Variants in PTPN14 observed in about 807,000 individuals in gnomAD.
The protein encoded by PTPN14 is protein tyrosine phosphatase non-receptor type 14, also known as tyrosine-protein phosphatase non-receptor type 14.
PTPN14 carries 53 observed loss-of-function variants against 126.8 expected under a neutral mutation model. That is an observed-to-expected ratio of 0.42 (90% CI 0.34 to 0.53). The LOEUF is 0.53. Among genes scored for constraint, PTPN14 ranks in the 20% least tolerant of loss-of-function variants. The pLI, the probability that PTPN14 is intolerant of heterozygous loss-of-function variation, is 0.08. For missense variants in PTPN14, 1,257 were observed against 1,552.9 expected (o/e 0.81, Z 3.20); for synonymous variants, 630 against 599.3 (o/e 1.05, Z -0.75).
intron 1 of PTPN14, among the ~76,000 whole-genome samples, chr1:214,525,613 CAG>C (rs1325049446): frequency 6.6e-6 from 1 of 150,780 alleles, no homozygotes; most frequent in Non-Finnish European, 1.5e-5. Flanking sequence ...AATTCAACCA[CAG>C]AGTTAAAACA....
At chr1:214,471,025 C>CAAA (rs71165976) in intron 1 of PTPN14, among the ~76,000 whole-genome samples, 4 of 129,314 alleles carry the variant, frequency 3.1e-5, no homozygotes, top group African/African-American at 8.6e-5. Context: ...AATTCCATCT[C>CAAA]AAAAAAAAAA....
chr1:214,458,685 C>G (rs1238834485), intron 2 of PTPN14, among the ~76,000 whole-genome samples: 3 of 152,176 alleles, frequency 2.0e-5, no homozygotes, highest in South Asian at 2.1e-4. Context: ...TTGGTCCAAG[C>G]TGACATTCCT....
rs545579620 is a variant in PTPN14 at position 214,548,618 on chromosome 1, T to C, written c.-155+2565A>G. 1.6e-4 allele frequency among the ~76,000 whole-genome samples: 25 copies of C among 152,284 alleles called. No individual in the cohort carries two copies. In the South Asian group the frequency reaches 5.2e-3, roughly 32 times the overall value. On this transcript the variant is annotated intron_variant, in intron 1 of 18. Coordinates refer to ENST00000366956, the MANE Select transcript of PTPN14 (RefSeq NM_005401.5). ...CAAATGCAAGAATTTGATGAAATCC[T>C]TGTTCAAAAATGACAAGAATATGGA...
intron 3 of PTPN14, among the ~76,000 whole-genome samples, chr1:214,446,069 T>C (rs1660135707): frequency 6.6e-6 from 1 of 152,064 alleles, no homozygotes; most frequent in South Asian, 2.1e-4. Context: ...CCTTGAGTCA[T>C]TTTAACCAAC....
At position 214,393,434 on chromosome 1, in the gene PTPN14, C is replaced by T. The variant is rs145433447; in HGVS notation, c.929+261G>A. 2.0e-3 allele frequency among the ~76,000 whole-genome samples: 299 copies of T among 152,302 alleles called. 3 individuals are homozygous for T. Among genetic ancestry groups the T allele is most frequent in the African/African-American group, 6.8e-3 (282 of 41,576 alleles). On this transcript the variant is annotated intron_variant, in intron 10 of 18. Transcript: ENST00000366956. ...AACTTCTAGCAGAGGGTTGGAAAGGCGCTAATGTGGGCCAACCCATCCAGG... is the reference window on the plus strand; with the variant it reads ...AACTTCTAGCAGAGGGTTGGAAAGGTGCTAATGTGGGCCAACCCATCCAGG...
chr1:214,361,320 C>T (rs1211007910), intron 18 of PTPN14, among the ~76,000 whole-genome samples: 9 of 152,196 alleles, frequency 5.9e-5, no homozygotes, highest in Non-Finnish European at 1.0e-4. Context: ...CCATCACCAC[C>T]TCCTCCACCA....
rs139417544 is a variant in PTPN14 at position 214,350,176 on chromosome 1, G to A, written c.*7746C>T. ...GCTAATCTTTCCCCTTCCTAGGTAA[G>A]TGAAAACAGATAAAATGTTTCTGGG... On this transcript the variant is annotated 3_prime_UTR_variant, in exon 19 of 19. Coordinates refer to ENST00000366956, the MANE Select transcript of PTPN14 (RefSeq NM_005401.5). 288 of 152,318 alleles carry A rather than the reference G, an allele frequency of 1.9e-3. 1 individual carries two copies. The highest frequency in any genetic ancestry group is 6.6e-3 in the African/African-American group (275 of 41,564). 9.4% of individuals were successfully genotyped at this position (152,318 alleles called of 1,614,324 possible).
intron 1 of PTPN14, among the ~76,000 whole-genome samples, chr1:214,505,485 T>C (rs1038526219): frequency 6.6e-6 from 1 of 152,010 alleles, no homozygotes; most frequent in East Asian, 1.9e-4. Context: ...CACACAGTGG[T>C]GGAGCTGCCA....
At chr1:214,394,828 G>A in intron 9 of PTPN14, 71 bp downstream of exon 9, 2 of 1,309,580 alleles carry the variant, frequency 1.5e-6, no homozygotes, top group South Asian at 2.4e-5. Flanking sequence ...AGCAAGGAAA[G>A]GACATTAGGA....
At chr1:214,499,824 C>T (rs1038278475) in intron 1 of PTPN14, among the ~76,000 whole-genome samples, 1 of 149,330 alleles carries the variant, frequency 6.7e-6, no homozygotes, top group Non-Finnish European at 1.5e-5. Context: ...GAAAATAATA[C>T]TCAGTTTTAT....
rs1041871727 is a variant in PTPN14, at chr1:214,356,687, T to A, written c.*1235A>T. 1 of 152,192 alleles carries A rather than the reference T, an allele frequency of 6.6e-6. No homozygotes were observed. Among genetic ancestry groups the A allele is most frequent in the African/African-American group, 2.4e-5 (1 of 41,442 alleles). 9.4% of individuals were successfully genotyped at this position (152,192 alleles called of 1,614,324 possible). A position where few individuals can be genotyped will look rare whatever the true frequency, so the allele number is the denominator to read the frequency against. On this transcript the variant is annotated 3_prime_UTR_variant, in exon 19 of 19. Transcript: ENST00000366956. ...GACAATTCTACCATCGTTCATCAAG[T>A]GGCCCCAAGTTTGGACTATGGGGTC...
At chr1:214,495,031 G>A (rs185338191) in intron 1 of PTPN14, among the ~76,000 whole-genome samples, 103 of 152,260 alleles carry the variant, frequency 6.8e-4, no homozygotes, top group Admixed American at 4.4e-3. Context: ...CAGCATTAGT[G>A]GTGAGATGTA....
In PTPN14 at chr1:214,356,560, GA is replaced by G. The variant is rs1196138793; in HGVS notation, c.*1361del. On this transcript the variant is annotated 3_prime_UTR_variant, in exon 19 of 19. Coordinates refer to ENST00000366956, the MANE Select transcript of PTPN14 (RefSeq NM_005401.5). ...GAAATTCAGAAGGACACTGACCAAT[GA>G]AGCCATAGGAAGAAACTAAGAACTG... 90 of 152,324 alleles carry G rather than the reference GA, an allele frequency of 5.9e-4. No homozygotes were observed. Among genetic ancestry groups the G allele is most frequent in the African/African-American group, 2.0e-3 (85 of 41,576 alleles). 9.4% of individuals were successfully genotyped at this position (152,324 alleles called of 1,614,324 possible).
intron 3 of PTPN14, among the ~76,000 whole-genome samples, chr1:214,422,694 T>C (rs1354570982): frequency 6.6e-6 from 1 of 152,142 alleles, no homozygotes; most frequent in East Asian, 1.9e-4. Flanking sequence ...CAGGCGGAAA[T>C]ACAGTGCTGT....
chr1:214,461,469 C>G (rs1477740472), intron 2 of PTPN14, among the ~76,000 whole-genome samples: 1 of 151,604 alleles, frequency 6.6e-6, no homozygotes, highest in East Asian at 1.9e-4. Context: ...CCCATCCGTA[C>G]AAAAAATTTA....
intron 1 of PTPN14, among the ~76,000 whole-genome samples, chr1:214,489,991 C>T (rs371695572): frequency 2.0e-5 from 3 of 152,188 alleles, no homozygotes; most frequent in Admixed American, 6.5e-5. Context: ...GTAAGTGACA[C>T]ATATGTTAAT....
chr1:214,406,916 G>T (rs1211449218), intron 5 of PTPN14, among the ~76,000 whole-genome samples: 2 of 152,100 alleles, frequency 1.3e-5, no homozygotes, highest in African/African-American at 2.4e-5. Context: ...AGAGTAAGGC[G>T]AATAAGAAAT....
At chr1:214,480,917 T>C (rs2102674618) in intron 1 of PTPN14, among the ~76,000 whole-genome samples, 1 of 152,194 alleles carries the variant, frequency 6.6e-6, no homozygotes, top group Non-Finnish European at 1.5e-5. Context: ...GAGCAGCAGA[T>C]ATGCTGGGCG....
At chr1:214,472,351 C>T (rs1660778356) in intron 1 of PTPN14, among the ~76,000 whole-genome samples, 1 of 152,092 alleles carries the variant, frequency 6.6e-6, no homozygotes, top group South Asian at 2.1e-4. Context: ...TGCCTGCTCC[C>T]CTCCTTCACC....
Sources: gnomAD v4.1 joint callset for allele counts (sites outside exome capture counted in the v4.1 genomes callset) on GRCh38, gnomAD v4.1.1 for gene constraint, MANE v1.5 for transcripts, NCBI Gene and HGNC (gene_info 2026-07-23, HGNC 2026-07-21) for gene names.